The following LRRC37A2 variants were observed in gnomAD, a reference collection of about 807,000 sequenced individuals.
The protein encoded by LRRC37A2 is leucine rich repeat containing 37 member A2, also known as leucine-rich repeat-containing protein 37A2.
Under a neutral mutation model 68.8 loss-of-function variants are expected in LRRC37A2, and 9 were observed. That is an observed-to-expected ratio of 0.13 (90% CI 0.08 to 0.23). The LOEUF (loss-of-function observed/expected upper bound fraction) is 0.23. Among genes scored for constraint, LRRC37A2 ranks in the 10% least tolerant of loss-of-function variants. The pLI is 1.00. For synonymous variants in LRRC37A2, 63 were observed against 367.6 expected (o/e 0.17, Z 9.48); for missense variants, 168 against 950.4 (o/e 0.18, Z 10.82).
At chr17:46,558,146 G>A (rs535916095), downstream of LRRC37A2, among the ~76,000 whole-genome samples, 15 of 121,822 alleles carry the variant, frequency 1.2e-4, no homozygotes, top group Middle Eastern at 3.6e-3. Context: ...TGCATCCTCC[G>A]CCTCCTGGGT....
chr17:46,930,956 A>T, the LRRC37A2 span: 2 of 653,822 alleles, frequency 3.1e-6, no homozygotes, highest in Non-Finnish European at 5.5e-6. Flanking sequence ...TTTTTCTGTT[A>T]TTCATTAGTG....
At chr17:46,924,916 G>A in the LRRC37A2 span, among the ~76,000 whole-genome samples, 1 of 152,154 alleles carries the variant, frequency 6.6e-6, no homozygotes, top group African/African-American at 2.4e-5. Context: ...TTAGTTAAAG[G>A]ATGTTGCCAA....
chr17:46,862,766 T>C, the LRRC37A2 span, among the ~76,000 whole-genome samples: 1 of 152,156 alleles, frequency 6.6e-6, no homozygotes. Flanking sequence ...GTATCTTTAG[T>C]AGAGATGGGG....
the LRRC37A2 span, among the ~76,000 whole-genome samples, chr17:46,388,324 G>A: frequency 2.9e-5 from 1 of 35,058 alleles, no homozygotes; most frequent in African/African-American, 9.2e-5. Context: ...TGAGGTGGGC[G>A]GATCACCTGA....
the LRRC37A2 span, among the ~76,000 whole-genome samples, chr17:46,901,319 G>T: frequency 6.6e-6 from 1 of 151,936 alleles, no homozygotes; most frequent in East Asian, 1.9e-4. Flanking sequence ...GCACCATCAT[G>T]CCCGGCTAAT....
chr17:46,920,570 TAG>T, the LRRC37A2 span, among the ~76,000 whole-genome samples: 1 of 152,180 alleles, frequency 6.6e-6, no homozygotes, highest in Non-Finnish European at 1.5e-5. Context: ...GGAGGAATAG[TAG>T]ATAAGCTTGG....
chr17:46,921,892 T>C, the LRRC37A2 span, among the ~76,000 whole-genome samples: 3 of 152,208 alleles, frequency 2.0e-5, no homozygotes, highest in African/African-American at 7.2e-5. Flanking sequence ...GTGGGACTGT[T>C]AACTGGTTCA....
chr17:46,778,571 A>G, the LRRC37A2 span, among the ~76,000 whole-genome samples: 5 of 152,122 alleles, frequency 3.3e-5, no homozygotes, highest in African/African-American at 9.6e-5. Flanking sequence ...AAATTCCACC[A>G]TCGCAGACAC....
the LRRC37A2 span, chr17:46,886,100 C>T: frequency 6.6e-6 from 1 of 152,368 alleles, no homozygotes; most frequent in African/African-American, 2.4e-5. Context: ...CTTTCTCTCC[C>T]TCCAGCGCTT....
the LRRC37A2 span, chr17:46,769,686 A>C: frequency 6.5e-7 from 1 of 1,529,870 alleles, no homozygotes. Flanking sequence ...CGCGACCCAC[A>C]GGGCTGCCGG....
chr17:46,894,898 C>T, the LRRC37A2 span, among the ~76,000 whole-genome samples: 6 of 152,246 alleles, frequency 3.9e-5, no homozygotes, highest in Middle Eastern at 3.2e-3. Flanking sequence ...AGCCAATTCC[C>T]GGGCCATGCA....
At chr17:46,759,059 C>T in the LRRC37A2 span, among the ~76,000 whole-genome samples, 1 of 152,116 alleles carries the variant, frequency 6.6e-6, no homozygotes, top group Non-Finnish European at 1.5e-5. Context: ...ACACAATTAG[C>T]CGGGCATGGT....
At chr17:46,772,672 AG>A in the LRRC37A2 span, among the ~76,000 whole-genome samples, 1 of 152,244 alleles carries the variant, frequency 6.6e-6, no homozygotes, top group Non-Finnish European at 1.5e-5. Context: ...CCATGACAAT[AG>A]CCAGCACTTT....
At chr17:46,960,755 A>G in the LRRC37A2 span, among the ~76,000 whole-genome samples, 4 of 152,260 alleles carry the variant, frequency 2.6e-5, no homozygotes, top group East Asian at 7.7e-4. Context: ...CCAGATGGAA[A>G]AGGCAGCTTA....
At chr17:46,809,886 C>T in the LRRC37A2 span, among the ~76,000 whole-genome samples, 1 of 152,130 alleles carries the variant, frequency 6.6e-6, no homozygotes, top group Non-Finnish European at 1.5e-5. Context: ...AGCCCCACTT[C>T]TTCCTCTGCT....
At chr17:46,928,687 C>A in the LRRC37A2 span, among the ~76,000 whole-genome samples, 1 of 152,184 alleles carries the variant, frequency 6.6e-6, no homozygotes, top group Non-Finnish European at 1.5e-5. Flanking sequence ...GTCCCTGTCT[C>A]AGGGTCTTCC....
chr17:46,924,500 CT>C, the LRRC37A2 span: 1 of 152,310 alleles, frequency 6.6e-6, no homozygotes, highest in East Asian at 1.9e-4. Context: ...AACTTTCAAA[CT>C]TATGCTGTAG....
the LRRC37A2 span, among the ~76,000 whole-genome samples, chr17:46,946,436 A>T: frequency 7.2e-6 from 1 of 139,038 alleles, no homozygotes. Flanking sequence ...ACTCCAGCCT[A>T]GGCAAGAAGA....
chr17:46,731,180 C>G, the LRRC37A2 span, among the ~76,000 whole-genome samples: 1 of 152,016 alleles, frequency 6.6e-6, no homozygotes, highest in Non-Finnish European at 1.5e-5. Flanking sequence ...AGTACCATTA[C>G]ATACTACAAC....
Sources: gnomAD v4.1 joint callset for allele counts (sites outside exome capture counted in the v4.1 genomes callset) on GRCh38, gnomAD v4.1.1 for gene constraint, MANE v1.5 for transcripts, NCBI Gene and HGNC (gene_info 2026-07-23, HGNC 2026-07-21) for gene names.